The following SLC35E4 variants were observed in gnomAD, a reference collection of about 807,000 sequenced individuals.
SLC35E4 encodes the protein solute carrier family 35 member E4, also known as solute carrier family 35, member E4.
A neutral mutation model predicts 19.3 loss-of-function variants in SLC35E4; 15 were observed. The observed-to-expected ratio is 0.78, with a 90% confidence interval of 0.52 to 1.20. SLC35E4 has a LOEUF of 1.20. Among genes scored for constraint, SLC35E4 ranks in the 50% most tolerant of loss-of-function variants. The pLI, the probability that SLC35E4 is intolerant of heterozygous loss-of-function variation, is 0.00. For missense variants in SLC35E4, 406 were observed against 472.3 expected, an observed-to-expected ratio of 0.86 and a Z score of 1.30; for synonymous variants, 219 against 219.9, an observed-to-expected ratio of 1.00 and a Z score of 0.04.
At chr22:30,667,301 G>A (rs1383674777), downstream of SLC35E4, 2 of 152,186 alleles carry the variant, frequency 1.3e-5, no homozygotes, top group East Asian at 3.8e-4. Flanking sequence ...CAAACACCGC[G>A]GGGCGTTCGT....
At chr22:30,638,501 C>CAAAA (rs33962458) in intron 1 of SLC35E4, among the ~76,000 whole-genome samples, 1 of 64,128 alleles carries the variant, frequency 1.6e-5, no homozygotes, top group Admixed American at 1.8e-4. Flanking sequence ...GACTCCATCT[C>CAAAA]AAAAAAAAAA....
downstream of SLC35E4, chr22:30,649,378 A>C: frequency 1.6e-6 from 1 of 618,352 alleles, no homozygotes; most frequent in Non-Finnish European, 3.0e-6. Context: ...GCTGTGGTCT[A>C]TGGAGACTGA....
rs1157239877 is a variant in SLC35E4 at position 30,645,595 on chromosome 22, CAAAAAAA to C, written c.620-986_620-980del. Among the ~76,000 whole-genome samples, 27 of 82,132 alleles carry C rather than the reference CAAAAAAA, an allele frequency of 3.3e-4. 1 individual carries two copies. Among genetic ancestry groups the C allele is most frequent in the Admixed American group, 6.3e-4 (4 of 6,364 alleles). The allele number at this position is 82,132 out of a possible 152,430, so 53.9% of individuals were successfully genotyped here. ...GGGCAACAGAGCAAGACTCTGTCTCCAAAAAAAAAAAAAAAAAAAAAAAGAACCTAGG... is the reference window on the plus strand; with the variant it reads ...GGGCAACAGAGCAAGACTCTGTCTCCAAAAAAAAAAAAAAAAGAACCTAGG... On this transcript the variant is annotated intron_variant, in intron 1 of 1. Transcript: ENST00000343605.
intron 1 of SLC35E4, among the ~76,000 whole-genome samples, chr22:30,640,611 C>T (rs1466350371): frequency 2.0e-5 from 3 of 152,152 alleles, no homozygotes; most frequent in Non-Finnish European, 4.4e-5. Flanking sequence ...GAGTCGCAGC[C>T]TCTATCCTCT....
At chr22:30,650,841 C>T (rs1338843753), downstream of SLC35E4, among the ~76,000 whole-genome samples, 1 of 152,186 alleles carries the variant, frequency 6.6e-6, no homozygotes, top group African/African-American at 2.4e-5. Context: ...AGCCTCCAGC[C>T]CCCTTGTCCT....
downstream of SLC35E4, among the ~76,000 whole-genome samples, chr22:30,648,867 G>A (rs74812859): frequency 0.014 from 2,074 of 152,252 alleles, 36 homozygotes; most frequent in African/African-American, 0.047. Flanking sequence ...GCTGATGAGG[G>A]TCTTGACAAG....
At chr22:30,650,388 C>T (rs889987545), downstream of SLC35E4, among the ~76,000 whole-genome samples, 7 of 151,218 alleles carry the variant, frequency 4.6e-5, no homozygotes, top group Admixed American at 2.0e-4. Context: ...CCCAGCTACT[C>T]GGAAGGCTGA....
rs186641813 is a variant in SLC35E4, at chr22:30,637,098, G to A, written c.619+29G>A. ...AGTGCCTGGGTGGCCAATTGAGAAG[G>A]TGGGGGTCCGGGTGGGTGCATGGCC... On this transcript the variant is annotated intron_variant, in intron 1 of 1. Transcript: ENST00000343605. 367 of 1,539,402 alleles carry A rather than the reference G, an allele frequency of 2.4e-4. 1 individual carries two copies. The African/African-American group carries it at 4.4e-3, about 19-fold the overall frequency.
In SLC35E4 at chr22:30,636,419, G is replaced by T; in HGVS notation, c.-32G>T. 1.4e-6 allele frequency: 2 copies of T among 1,449,880 alleles called. No homozygotes were observed. Among genetic ancestry groups the T allele is most frequent in the Non-Finnish European group, 1.8e-6 (2 of 1,098,698 alleles). The allele number at this position is 1,449,880 out of a possible 1,614,324, so 89.8% of individuals were successfully genotyped here. On this transcript the variant is annotated 5_prime_UTR_variant, in exon 1 of 2. Transcript: ENST00000343605. ...GTGGCCCAGAGGTCGTCACTGGGGA[G>T]CCCGCCTCCTGCCCTAGCCTCACTG...
Position 30,636,458 on chromosome 22 carries a change from G to A in SLC35E4, c.8G>A (p.Arg3His). The change falls in exon 1 of 2, where the codon CGC becomes CAC. Residue 3 changes from arginine (R) to histidine (H), a missense_variant. By Grantham distance (29) the Arg-to-His change is conservative. Coordinates refer to ENST00000343605, the MANE Select transcript of SLC35E4 (RefSeq NM_001001479.4). MC[R>H]CPPEHHDGRM... ...CTAGCCTCACTGGTGCGGATGTGCC[G>A]CTGCCCGCCGGAGCACCATGATGGC... The A allele has an allele frequency of 2.0e-6, 3 of 1,486,660 alleles. No individual in the cohort carries two copies. The highest frequency in any genetic ancestry group is 2.7e-6 in the Non-Finnish European group (3 of 1,111,480). The allele number at this position is 1,486,660 out of a possible 1,614,324, so 92.1% of individuals were successfully genotyped here. A position where few individuals can be genotyped will look rare whatever the true frequency, so the allele number is the denominator to read the frequency against.
At chr22:30,638,744 G>A (rs982811609) in intron 1 of SLC35E4, among the ~76,000 whole-genome samples, 4 of 152,014 alleles carry the variant, frequency 2.6e-5, no homozygotes, top group Non-Finnish European at 4.4e-5. Context: ...CCTGGGAGGC[G>A]GAGGTTGCAG....
At position 30,636,133 on chromosome 22, in the gene SLC35E4, A is replaced by C. The variant is rs571231648; in HGVS notation, c.-318A>C. ...AACGAGGATTTCATCTAAAAGCATA[A>C]CGTGGGCACTAGGCGAGGAGGAAAG... is the stretch of plus-strand genomic sequence containing the variant. On this transcript the variant is annotated 5_prime_UTR_variant, in exon 1 of 2. An upstream open reading frame in the 5' UTR loses its in-frame stop. Coordinates refer to ENST00000343605, the MANE Select transcript of SLC35E4 (RefSeq NM_001001479.4). 1.3e-5 allele frequency: 5 copies of C among 371,620 alleles called. No homozygotes were observed. The East Asian group carries it at 2.1e-4, about 15-fold the overall frequency. 23.0% of individuals were successfully genotyped at this position (371,620 alleles called of 1,614,324 possible). A position where few individuals can be genotyped will look rare whatever the true frequency, so the allele number is the denominator to read the frequency against.
downstream of SLC35E4, chr22:30,663,644 C>G (rs377209045): frequency 4.3e-6 from 7 of 1,614,116 alleles, no homozygotes; most frequent in Non-Finnish European, 5.1e-6. Context: ...CGTGGTACTT[C>G]ATGAGGTAGG....
In SLC35E4 at chr22:30,657,009, T is replaced by C. The variant is rs2088350726; in HGVS notation, c.*9-5051T>C. ...AAAAAGGAGGAATGAAAATTATGTT[T>C]ACTCAACTATGAAAAAAATGCTCAG... On this transcript the variant is annotated intron_variant, in intron 2 of 2. Coordinates refer to the SLC35E4 transcript ENST00000406566. 2.6e-5 allele frequency among the ~76,000 whole-genome samples: 4 copies of C among 152,234 alleles called. 1 individual carries two copies. In the South Asian group the frequency reaches 8.3e-4, roughly 32 times the overall value.
chr22:30,663,788 A>G, downstream of SLC35E4: 1 of 1,614,244 alleles, frequency 6.2e-7, no homozygotes, highest in South Asian at 1.1e-5. Context: ...TAGGGGAGTC[A>G]GCCACAGGTA....
chr22:30,649,137 G>A (rs1391430470), downstream of SLC35E4: 4 of 715,372 alleles, frequency 5.6e-6, no homozygotes, highest in Admixed American at 6.0e-5. Flanking sequence ...CTGCCCACCT[G>A]ACTGGGAGCC....
chr22:30,636,723 C>G lies in SLC35E4; in HGVS notation c.273C>G (p.Ala91=). ...CGGCCCTGCACATGCTGGTGGCAGCCCTGGCATGCCACCGGGGGGCACGGC... is the reference window on the plus strand; with the variant it reads ...CGGCCCTGCACATGCTGGTGGCAGCGCTGGCATGCCACCGGGGGGCACGGC... ...LLSALHMLVA[A]LACHRGARRP... Residue 91 remains alanine, a synonymous_variant, in exon 1 of 2, where the codon GCC becomes GCG. Coordinates refer to ENST00000343605, the MANE Select transcript of SLC35E4 (RefSeq NM_001001479.4). 6.2e-7 allele frequency: 1 copy of G among 1,611,866 alleles called. No individual in the cohort carries two copies. The highest frequency in any genetic ancestry group is 8.5e-7 in the Non-Finnish European group (1 of 1,179,148).
At chr22:30,659,765 A>C (rs2088422189) in intron 2 of SLC35E4, among the ~76,000 whole-genome samples, 1 of 152,232 alleles carries the variant, frequency 6.6e-6, no homozygotes, top group South Asian at 2.1e-4. Flanking sequence ...GAGACTGCAG[A>C]TGTAACTTAT....
chr22:30,640,510 G>C lies in SLC35E4; in HGVS notation c.619+3441G>C, dbSNP rs145813465. The stretch of plus-strand genomic sequence containing the variant: ...AAAGAGGGCAGCAGGGCTCTGGGCA[G>C]TTTAGGGCCGAGGCTCCAGGCCCAG... On this transcript the variant is annotated intron_variant, in intron 1 of 1. Transcript: ENST00000343605. Among the ~76,000 whole-genome samples the C allele has an allele frequency of 4.6e-3, 694 of 152,292 alleles. 1 individual carries two copies. The highest frequency in any genetic ancestry group is 0.015 in the African/African-American group (626 of 41,564).
Sources: gnomAD v4.1 joint callset for allele counts (sites outside exome capture counted in the v4.1 genomes callset) on GRCh38, gnomAD v4.1.1 for gene constraint, MANE v1.5 for transcripts, NCBI Gene and HGNC (gene_info 2026-07-23, HGNC 2026-07-21) for gene names.